Variants in ACAT2 observed in about 807,000 individuals in gnomAD.
ACAT2 encodes the protein acetyl-CoA acetyltransferase, cytosolic.
A neutral mutation model predicts 37.1 loss-of-function variants in ACAT2; 26 were observed. That is an observed-to-expected ratio of 0.70 (90% CI 0.51 to 0.97). The LOEUF (loss-of-function observed/expected upper bound fraction) is 0.97. Among genes scored for constraint, ACAT2 ranks in the 50% least tolerant of loss-of-function variants. The probability of loss-of-function intolerance (pLI) is 0.00; values close to 1 mark genes in which losing one functional copy is unlikely to be tolerated. For synonymous variants in ACAT2, 156 were observed against 163.6 expected, an observed-to-expected ratio of 0.95 and a Z score of 0.35; for missense variants, 468 against 489.0, an observed-to-expected ratio of 0.96 and a Z score of 0.40.
intron 2 of ACAT2, 29 bp from the exon 3 acceptor site, chr6:159,766,976 C>G: frequency 6.2e-7 from 1 of 1,612,184 alleles, no homozygotes; most frequent in Non-Finnish European, 8.5e-7. Context: ...TCCTTGATTG[C>G]TAAGAGTCCT....
At chr6:159,778,010 T>C (rs1780460644) in intron 7 of ACAT2, among the ~76,000 whole-genome samples, 160 bp from the exon 8 acceptor site, 1 of 152,208 alleles carries the variant, frequency 6.6e-6, no homozygotes, top group Non-Finnish European at 1.5e-5. Flanking sequence ...TGGATGTCAC[T>C]AAGGCAAAAA....
chr6:159,766,402 C>CT (rs386409139), intron 2 of ACAT2, among the ~76,000 whole-genome samples: 1 of 151,404 alleles, frequency 6.6e-6, no homozygotes, highest in Non-Finnish European at 1.5e-5. Context: ...AGCACCCCCC[C>CT]GCACTTTTTT....
intron 5 of ACAT2, 104 bp from the exon 6 acceptor site, chr6:159,776,043 TCTG>T: frequency 7.6e-7 from 1 of 1,315,600 alleles, no homozygotes; most frequent in Non-Finnish European, 1.0e-6. Context: ...TTAAAACTTT[TCTG>T]CTAAATATGA....
rs775019734 is a variant in ACAT2 at position 159,777,406 on chromosome 6, G to A, written c.862G>A (p.Val288Met). ...GATAGTTTCCTGGTCCCAAGTGGGT[G>A]TGGAGCCTTCCATTATGGGAATAGG... ...ARIVSWSQVG[V>M]EPSIMGIGPI... Residue 288 changes from valine to methionine, a missense_variant, in exon 7 of 9, where the codon GTG (valine) becomes ATG (methionine). Coordinates refer to ENST00000367048, the MANE Select transcript of ACAT2 (RefSeq NM_005891.3). The A allele has an allele frequency of 6.2e-7, 1 of 1,614,212 alleles. No homozygotes were observed. The highest frequency in any genetic ancestry group is 8.5e-7 in the Non-Finnish European group (1 of 1,180,030).
Position 159,778,658 on chromosome 6 carries a change from G to A in ACAT2, c.1024-1G>A. 6.2e-7 allele frequency: 1 copy of A among 1,613,936 alleles called. No individual in the cohort carries two copies. The highest frequency in any genetic ancestry group is 8.5e-7 in the Non-Finnish European group (1 of 1,179,860). On this transcript the variant is annotated splice_acceptor_variant, in intron 8 of 8. Coordinates refer to ENST00000367048, the MANE Select transcript of ACAT2 (RefSeq NM_005891.3). LOFTEE classifies it high-confidence loss of function. ...AATCTAAATCTTTTCTCCCCCGTTA[G>A]GTCAATATTGAAGGAGGGGCTATAG...
chr6:159,778,457 G>C (rs1435041582), intron 8 of ACAT2, 177 bp downstream of exon 8: 5 of 685,102 alleles, frequency 7.3e-6, no homozygotes, highest in African/African-American at 1.9e-5. Flanking sequence ...AAAGACATTG[G>C]CTTACTTGGC....
chr6:159,763,124 A>T (rs6937779), intron 2 of ACAT2, 71 bp downstream of exon 2: 57,327 of 1,460,360 alleles, frequency 0.039, 2,677 homozygotes, highest in African/African-American at 0.23. Context: ...ACACACACAC[A>T]CTCTCACACA....
intron 4 of ACAT2, among the ~76,000 whole-genome samples, chr6:159,770,833 G>A (rs1442383837): frequency 6.7e-6 from 1 of 150,364 alleles, no homozygotes; most frequent in African/African-American, 2.5e-5. Context: ...GGGAGGCCAA[G>A]CCGGGTAGAT....
rs112953742 is a variant in ACAT2 at position 159,763,105 on chromosome 6, A to AAC, written c.190+71_190+72dup. 8.7e-3 allele frequency: 13,201 copies of AAC among 1,519,008 alleles called. 34 individuals are homozygous for AAC. The highest frequency in any genetic ancestry group is 0.024 in the African/African-American group (1,694 of 70,464). 94.1% of individuals were successfully genotyped at this position (1,519,008 alleles called of 1,614,324 possible). A position where few individuals can be genotyped will look rare whatever the true frequency, so the allele number is the denominator to read the frequency against. ...TCAGGCTTATTAGAAACAGCCCATAAACACACACACACACACACACTCTCA... is the reference window on the plus strand; with the variant it reads ...TCAGGCTTATTAGAAACAGCCCATAAACACACACACACACACACACACTCTCA... On this transcript the variant is annotated intron_variant, in intron 2 of 8. Coordinates refer to ENST00000367048, the MANE Select transcript of ACAT2 (RefSeq NM_005891.3).
At chr6:159,777,103 T>C (rs1439521337) in intron 6 of ACAT2, among the ~76,000 whole-genome samples, 199 bp from the exon 7 acceptor site, 11 of 152,378 alleles carry the variant, frequency 7.2e-5, no homozygotes, top group Middle Eastern at 3.4e-3. Context: ...ACTGTAATCC[T>C]ACCACTTTCT....
intron 4 of ACAT2, among the ~76,000 whole-genome samples, chr6:159,772,975 C>T (rs550537598): frequency 6.6e-6 from 1 of 152,272 alleles, no homozygotes; most frequent in Non-Finnish European, 1.5e-5. Flanking sequence ...ACCTCAGCCT[C>T]CTGAGTAGCT....
intron 1 of ACAT2, 149 bp downstream of exon 1, chr6:159,762,291 CG>C: frequency 8.0e-7 from 1 of 1,242,418 alleles, no homozygotes; most frequent in Non-Finnish European, 1.1e-6. Context: ...TGGAACCCTG[CG>C]GCTCCCGCGT....
intron 4 of ACAT2, among the ~76,000 whole-genome samples, chr6:159,772,884 T>G (rs1317912685): frequency 6.6e-6 from 1 of 151,964 alleles, no homozygotes; most frequent in African/African-American, 2.4e-5. Flanking sequence ...ATAACTTTTT[T>G]GTGTGTGTGT....
chr6:159,778,187 G>T lies in ACAT2; in HGVS notation c.930G>T (p.Trp310Cys). ...TCCTCTAGGTTACAAAAGCAGGTTG[G>T]TCACTGGAAGATGTTGACATATTTG... is the stretch of plus-strand genomic sequence containing the variant. The part of the protein sequence containing the change: ...AIKQAVTKAG[W>C]SLEDVDIFEI... The change falls in exon 8 of 9, where the codon TGG (tryptophan) becomes TGT (cysteine). Residue 310 changes from tryptophan to cysteine, a missense_variant. Physicochemically the swap from Trp to Cys is radical, Grantham distance 215 (BLOSUM62 -2). Coordinates refer to ENST00000367048, the MANE Select transcript of ACAT2 (RefSeq NM_005891.3). 1 of 1,612,034 alleles carries T rather than the reference G, an allele frequency of 6.2e-7. No individual in the cohort carries two copies. Among genetic ancestry groups the T allele is most frequent in the Admixed American group, 1.7e-5 (1 of 59,740 alleles).
At chr6:159,762,828 C>T (rs1780174667) in intron 1 of ACAT2, 91 bp from the exon 2 acceptor site, 1 of 1,596,138 alleles carries the variant, frequency 6.3e-7, no homozygotes, top group Admixed American at 1.7e-5. Context: ...GTGGCCTTGC[C>T]AAACAGGGTC....
At chr6:159,766,228 A>G (rs1780253475) in intron 2 of ACAT2, among the ~76,000 whole-genome samples, 1 of 152,224 alleles carries the variant, frequency 6.6e-6, no homozygotes, top group Admixed American at 6.5e-5. Context: ...ACTAAGCAAG[A>G]ACAGAACTGC....
chr6:159,764,358 C>T (rs953219449), intron 2 of ACAT2, among the ~76,000 whole-genome samples: 3 of 152,134 alleles, frequency 2.0e-5, no homozygotes, highest in African/African-American at 7.2e-5. Flanking sequence ...TATCACTCCC[C>T]AGAGGAATAT....
chr6:159,771,030 G>A (rs372382819), intron 4 of ACAT2, among the ~76,000 whole-genome samples: 34 of 150,658 alleles, frequency 2.3e-4, no homozygotes, highest in East Asian at 7.9e-4. Flanking sequence ...ACACCATTGC[G>A]CTCCAGCCTG....
Position 159,762,979 on chromosome 6 carries a change from A to G in ACAT2, c.116A>G (p.Lys39Arg), listed in dbSNP as rs1316937512. Residue 39 changes from lysine (K) to arginine (R), a missense_variant, in exon 2 of 9, where the codon AAA becomes AGA. Transcript: ENST00000367048. The stretch of plus-strand genomic sequence containing the variant: ...CAGGACCTGGGCTCCACTGTCATCA[A>G]AGAAGTCTTGAAGAGGGCCACTGTG... Reference protein sequence around the residue: ...PVQDLGSTVIKEVLKRATVAP... With the variant: ...PVQDLGSTVIREVLKRATVAP... 4.3e-6 allele frequency: 7 copies of G among 1,613,962 alleles called. No individual in the cohort carries two copies. The highest frequency in any genetic ancestry group is 1.1e-5 in the South Asian group (1 of 91,076).
Sources: gnomAD v4.1 joint callset for allele counts (sites outside exome capture counted in the v4.1 genomes callset) on GRCh38, gnomAD v4.1.1 for gene constraint, MANE v1.5 for transcripts, NCBI Gene and HGNC (gene_info 2026-07-23, HGNC 2026-07-21) for gene names.